Variants in NCOA7 observed in about 807,000 individuals in gnomAD.
The protein encoded by NCOA7 is nuclear receptor coactivator 7.
Under a neutral mutation model 104.3 loss-of-function variants are expected in NCOA7, and 45 were observed. The observed-to-expected ratio is 0.43, with a 90% CI of 0.34 to 0.55. NCOA7 has a LOEUF of 0.55. Among genes scored for constraint, NCOA7 ranks in the 20% least tolerant of loss-of-function variants. The probability of loss-of-function intolerance (pLI) is 0.02; values close to 1 mark genes in which losing one functional copy is unlikely to be tolerated. For synonymous variants in NCOA7, 398 were observed against 402.3 expected, an observed-to-expected ratio of 0.99 and a Z score of 0.13; for missense variants, 1,041 against 1,119.7, an observed-to-expected ratio of 0.93 and a Z score of 1.00.
At chr6:125,862,037 CAAAAA>C (rs56389001) in intron 3 of NCOA7, among the ~76,000 whole-genome samples, 7 of 63,754 alleles carry the variant, frequency 1.1e-4, no homozygotes, top group Admixed American at 1.6e-4. Context: ...AACTCTTTCT[CAAAAA>C]AAAAAAAAAA....
rs114896785 is a variant in NCOA7, at chr6:125,856,189, G to A, written c.271+949G>A. On this transcript the variant is annotated intron_variant, in intron 3 of 15. Coordinates refer to ENST00000392477, the MANE Select transcript of NCOA7 (RefSeq NM_181782.5). ...ATACTTGAGATTGCTAGGAAAGGGA[G>A]AGAAAACTGAGAGCAGTGTCTGAGA... 5.2e-3 allele frequency among the ~76,000 whole-genome samples: 795 copies of A among 152,196 alleles called. 8 individuals are homozygous for A. Among genetic ancestry groups the A allele is most frequent in the African/African-American group, 0.018 (744 of 41,498 alleles).
upstream of NCOA7, among the ~76,000 whole-genome samples, chr6:125,786,892 G>A (rs571555505): frequency 6.6e-6 from 1 of 152,144 alleles, no homozygotes; most frequent in Non-Finnish European, 1.5e-5. Flanking sequence ...CATGTCTGTA[G>A]TCCCAGCACT....
chr6:125,882,645 C>G, intron 7 of NCOA7, 94 bp downstream of exon 7: 7 of 1,459,350 alleles, frequency 4.8e-6, no homozygotes, highest in Non-Finnish European at 6.5e-6. Flanking sequence ...ATTAAAAGAT[C>G]TTACCCAAAG....
chr6:125,819,852 G>A (rs1778002316), intron 2 of NCOA7, among the ~76,000 whole-genome samples: 1 of 152,178 alleles, frequency 6.6e-6, no homozygotes, highest in African/African-American at 2.4e-5. Flanking sequence ...GTAGGTCCTT[G>A]TATGCCATTG....
intron 1 of NCOA7, among the ~76,000 whole-genome samples, chr6:125,804,502 A>G (rs1583249710): frequency 6.6e-6 from 1 of 152,318 alleles, no homozygotes; most frequent in South Asian, 2.1e-4. Flanking sequence ...TCTTATGACT[A>G]GGAGATGAGA....
At chr6:125,792,520 A>G (rs1344278901) in intron 1 of NCOA7, among the ~76,000 whole-genome samples, 1 of 152,236 alleles carries the variant, frequency 6.6e-6, no homozygotes, top group African/African-American at 2.4e-5. Context: ...TAAGTGATGT[A>G]TTCACTTATT....
At chr6:125,868,838 T>C (rs1372471369) in intron 3 of NCOA7, among the ~76,000 whole-genome samples, 2 of 152,218 alleles carry the variant, frequency 1.3e-5, no homozygotes, top group Non-Finnish European at 2.9e-5. Context: ...GAGTTACTGA[T>C]GGTCCTGTGC....
intron 10 of NCOA7, among the ~76,000 whole-genome samples, chr6:125,895,946 T>A (rs1359198625): frequency 6.6e-6 from 1 of 150,406 alleles, no homozygotes; most frequent in Non-Finnish European, 1.5e-5. Flanking sequence ...ATATGCTATG[T>A]TAGTTCATAT....
chr6:125,793,596 A>G (rs890968052), intron 1 of NCOA7, among the ~76,000 whole-genome samples: 8 of 152,122 alleles, frequency 5.3e-5, no homozygotes, highest in Admixed American at 2.6e-4. Flanking sequence ...CCAGAATGCA[A>G]TCCAAGACCT....
At chr6:125,803,509 A>C (rs149948926) in intron 1 of NCOA7, among the ~76,000 whole-genome samples, 1 of 152,250 alleles carries the variant, frequency 6.6e-6, no homozygotes, top group African/African-American at 2.4e-5. Flanking sequence ...AGGAGTAAGC[A>C]TAAGTTGTTT....
chr6:125,838,327 A>G (rs1359127800), intron 2 of NCOA7, among the ~76,000 whole-genome samples: 2 of 152,140 alleles, frequency 1.3e-5, no homozygotes, highest in African/African-American at 4.8e-5. Context: ...TGGCTTGTGA[A>G]GGTAGTCTTG....
chr6:125,886,223 A>G (rs1019798601), intron 8 of NCOA7, among the ~76,000 whole-genome samples: 1 of 151,614 alleles, frequency 6.6e-6, no homozygotes, highest in Non-Finnish European at 1.5e-5. Context: ...ATGCAAGTAG[A>G]TTCCCCTGGA....
At chr6:125,843,601 T>G (rs943838810) in intron 2 of NCOA7, among the ~76,000 whole-genome samples, 1 of 152,230 alleles carries the variant, frequency 6.6e-6, no homozygotes, top group African/African-American at 2.4e-5. Flanking sequence ...GCGGTGTTTG[T>G]CAGCTTATTC....
chr6:125,804,856 A>G (rs1405151195), intron 1 of NCOA7, among the ~76,000 whole-genome samples: 3 of 152,116 alleles, frequency 2.0e-5, no homozygotes, highest in African/African-American at 4.8e-5. Context: ...GAGGAAATAG[A>G]TTGGTTTCTT....
intron 1 of NCOA7, among the ~76,000 whole-genome samples, chr6:125,812,708 T>A (rs544539300): frequency 6.6e-6 from 1 of 152,204 alleles, no homozygotes; most frequent in Non-Finnish European, 1.5e-5. Context: ...CATAGCCGTC[T>A]CAAAGGCACA....
At position 125,855,052 on chromosome 6, in the gene NCOA7, CAG is replaced by C. The variant is rs1268950573; in HGVS notation, c.87_88del (p.Glu29AspfsTer16). The C allele has an allele frequency of 1.9e-6, 3 of 1,609,332 alleles. No individual in the cohort carries two copies. The highest frequency in any genetic ancestry group is 2.5e-6 in the Non-Finnish European group (3 of 1,179,058). On this transcript the variant is annotated frameshift_variant, in exon 3 of 16. Coordinates refer to ENST00000392477, the MANE Select transcript of NCOA7 (RefSeq NM_181782.5). LOFTEE classifies it high-confidence loss of function. ...AAGAAAAAACAAGCCAAACAAAATGCAGAGACAGCCTCAGCTGTAGCTACAAG... is the reference window on the plus strand; with the variant it reads ...AAGAAAAAACAAGCCAAACAAAATGCAGACAGCCTCAGCTGTAGCTACAAG...
At chr6:125,818,853 C>G (rs906272387) in intron 2 of NCOA7, 1 of 152,408 alleles carries the variant, frequency 6.6e-6, no homozygotes, top group Non-Finnish European at 1.5e-5. Context: ...TTCTCTGGAG[C>G]AGCGTACTTA....
intron 3 of NCOA7, among the ~76,000 whole-genome samples, chr6:125,867,456 A>G (rs1782531197): frequency 6.6e-6 from 1 of 152,172 alleles, no homozygotes; most frequent in Admixed American, 6.5e-5. Flanking sequence ...ATACAGGTGT[A>G]CTTTAGGAGA....
intron 2 of NCOA7, among the ~76,000 whole-genome samples, chr6:125,838,486 C>A (rs992018024): frequency 1.3e-5 from 2 of 152,156 alleles, no homozygotes; most frequent in African/African-American, 4.8e-5. Flanking sequence ...CAAAACTCCC[C>A]CATGAAAGAC....
Sources: allele counts gnomAD v4.1 joint callset (sites outside exome capture counted in the v4.1 genomes callset), GRCh38; gene constraint gnomAD v4.1.1; transcripts MANE v1.5; gene names NCBI Gene and HGNC (gene_info 2026-07-23, HGNC 2026-07-21).